CCDC188: variants seen among roughly 807,000 people sequenced by gnomAD.
CCDC188 encodes the protein coiled-coil domain containing 188.
A neutral mutation model predicts 50.7 loss-of-function variants in CCDC188; 37 were observed. The ratio of observed to expected loss-of-function variants is 0.73; its 90% CI spans 0.56 to 0.96. The LOEUF is 0.96. Among genes scored for constraint, CCDC188 ranks in the 40% least tolerant of loss-of-function variants. The pLI is 0.00. For synonymous variants in CCDC188, 208 were observed against 228.0 expected, an observed-to-expected ratio of 0.91 and a Z score of 0.79; for missense variants, 453 against 512.9, an observed-to-expected ratio of 0.88 and a Z score of 1.13.
chr22:20,149,086 C>G (rs891406250), intron 7 of CCDC188, 101 bp downstream of exon 7: 78 of 1,276,132 alleles, frequency 6.1e-5, no homozygotes, highest in Non-Finnish European at 8.0e-5. Flanking sequence ...TGCCCCCTGC[C>G]CTGGACCTGC....
intron 3 of CCDC188, 65 bp from the exon 4 acceptor site, chr22:20,149,845 G>A (rs940175035): frequency 2.8e-5 from 42 of 1,482,218 alleles, no homozygotes; most frequent in Non-Finnish European, 3.5e-5. Context: ...TCCCCGCTGG[G>A]CCCACTGGCC....
chr22:20,150,645 C>G lies in CCDC188; in HGVS notation c.342G>C (p.Gly114=). The change falls in exon 1 of 9, where the codon GGG becomes GGC. Residue 114 remains glycine, a synonymous_variant. Coordinates refer to ENST00000439765, the MANE Select transcript of CCDC188 (RefSeq NM_001365892.2). ...GWPLHPGSNQ[G]APRQGGSIGS... Reference sequence around the variant, plus strand: ...CAATGGATCCCCCCTGCCTGGGAGCCCCCTGGTTCGACCCTGGGTGCAGGG... The same window carrying G: ...CAATGGATCCCCCCTGCCTGGGAGCGCCCTGGTTCGACCCTGGGTGCAGGG... The G allele has an allele frequency of 6.5e-7, 1 of 1,545,114 alleles. No homozygotes were observed. Among genetic ancestry groups the G allele is most frequent in the Non-Finnish European group, 8.7e-7 (1 of 1,143,148 alleles).
rs2050605313 is a variant in CCDC188 at position 20,150,449 on chromosome 22, C to CT, written c.519+18_519+19insA. On this transcript the variant is annotated intron_variant, in intron 1 of 8. Transcript: ENST00000439765. Reference sequence around the variant, plus strand: ...GGTGGGGCTGGGGCTGGGGCTGGGGCGGTGGGTGGGGTGCTCACCAGGCTG... The same window carrying CT: ...GGTGGGGCTGGGGCTGGGGCTGGGGCTGGTGGGTGGGGTGCTCACCAGGCTG... The CT allele has an allele frequency of 1.3e-5, 12 of 897,822 alleles. No individual in the cohort carries two copies. The highest frequency in any genetic ancestry group is 5.3e-5 in the Admixed American group (1 of 18,712). 55.6% of individuals were successfully genotyped at this position (897,822 alleles called of 1,614,324 possible).
chr22:20,149,671 C>T (rs1352511444), intron 4 of CCDC188, 31 bp from the exon 5 acceptor site: 6 of 1,546,778 alleles, frequency 3.9e-6, no homozygotes, highest in South Asian at 1.2e-5. Flanking sequence ...GCCTGAGGAG[C>T]AGGACCCACT....
In CCDC188 at chr22:20,148,863, GC is replaced by G. The variant is rs2050564815; in HGVS notation, c.1022+11del. On this transcript the variant is annotated intron_variant, in intron 8 of 8. Coordinates refer to ENST00000439765, the MANE Select transcript of CCDC188 (RefSeq NM_001365892.2). ...GGGCCTGGGGGCTGGGCTCTGCCGT[GC>G]AGTCACCTACCAGAGCTGGCCTGCC... 2 of 1,496,412 alleles carry G rather than the reference GC, an allele frequency of 1.3e-6. No homozygotes were observed. The highest frequency in any genetic ancestry group is 1.8e-6 in the Non-Finnish European group (2 of 1,120,412). The allele number at this position is 1,496,412 out of a possible 1,614,324, so 92.7% of individuals were successfully genotyped here. A position where few individuals can be genotyped will look rare whatever the true frequency, so the allele number is the denominator to read the frequency against.
chr22:20,150,623 T>A lies in CCDC188; in HGVS notation c.364A>T (p.Ile122Phe), dbSNP rs2050609488. 6.5e-7 allele frequency: 1 copy of A among 1,543,174 alleles called. No individual in the cohort carries two copies. Among genetic ancestry groups the A allele is most frequent in the South Asian group, 1.2e-5 (1 of 83,834 alleles). The change falls in exon 1 of 9, where the codon ATT (isoleucine) becomes TTT (phenylalanine). Residue 122 changes from isoleucine (I) to phenylalanine (F), a missense_variant. Physicochemically the swap from Ile to Phe is conservative, Grantham distance 21 (BLOSUM62 0). Transcript: ENST00000439765. ...GGGCAGGGTCTGGTCCCTGAGCCAATGGATCCCCCCTGCCTGGGAGCCCCC... is the reference window on the plus strand; with the variant it reads ...GGGCAGGGTCTGGTCCCTGAGCCAAAGGATCCCCCCTGCCTGGGAGCCCCC... Reference protein sequence around the residue: ...NQGAPRQGGSIGSGTRPCPCP... With the variant: ...NQGAPRQGGSFGSGTRPCPCP...
Position 20,148,890 on chromosome 22 carries a change from A to C in CCDC188, c.1007T>G (p.Leu336Arg), listed in dbSNP as rs111664914. The change falls in exon 8 of 9, where the codon CTG (leucine) becomes CGG (arginine). Residue 336 changes from leucine to arginine, a missense_variant. By Grantham distance (102) the Leu-to-Arg change is moderately radical (BLOSUM62 -2). Transcript: ENST00000439765. ...GRPKLGSSKGLAGQLWLLTLR... is the reference protein window; with the variant it reads ...GRPKLGSSKGRAGQLWLLTLR... ...AGTCACCTACCAGAGCTGGCCTGCC[A>C]GGCCCTTGGAGCTTCCCAGCTTTGG... 3.4e-5 allele frequency: 51 copies of C among 1,513,920 alleles called. No individual in the cohort carries two copies. The highest frequency in any genetic ancestry group is 4.2e-4 in the Middle Eastern group (2 of 4,734). 93.8% of individuals were successfully genotyped at this position (1,513,920 alleles called of 1,614,324 possible).
At chr22:20,150,418 G>T in intron 1 of CCDC188, 50 bp downstream of exon 1, 1 of 1,465,252 alleles carries the variant, frequency 6.8e-7, no homozygotes, top group South Asian at 1.3e-5. Context: ...GGGGTACCAG[G>T]CGGTGGGTGG....
intron 7 of CCDC188, 90 bp downstream of exon 7, chr22:20,149,097 C>T (rs1410041467): frequency 6.2e-6 from 8 of 1,292,472 alleles, no homozygotes; most frequent in African/African-American, 1.5e-5. Context: ...CTGGACCTGC[C>T]CTCCTGGAGC....
In CCDC188 at chr22:20,149,768, G is replaced by A. The variant is rs1408348705; in HGVS notation, c.745C>T (p.Gln249Ter). The A allele has an allele frequency of 6.6e-7, 1 of 1,516,380 alleles. No individual in the cohort carries two copies. The highest frequency in any genetic ancestry group is 2.5e-5 in the East Asian group (1 of 40,576). The allele number at this position is 1,516,380 out of a possible 1,614,324, so 93.9% of individuals were successfully genotyped here. ...TTCCTCTCAAAGCACAGGCGGATCT[G>A]CTGCAGCTCGTTCTGAGGGTGGGGC... The part of the protein sequence containing the change: ...FVQQSQNELQ[Q>*]IRLCFERKKM... Residue 249 changes from glutamine to a stop codon, truncating the protein, a stop_gained, in exon 4 of 9, where the codon CAG becomes TAG. Coordinates refer to ENST00000439765, the MANE Select transcript of CCDC188 (RefSeq NM_001365892.2). LOFTEE classifies it high-confidence loss of function.
rs536693703 is a variant in CCDC188, at chr22:20,148,929, C to G, written c.973-5G>C. ...TCCCAGCTTTGGCCTCCCTTTCTGT[C>G]GGGGAGGGGCTGGATCAGAGCCCAC... On this transcript the variant is annotated splice_region_variant and splice_polypyrimidine_tract_variant and intron_variant, in intron 7 of 8. Transcript: ENST00000439765. 12 of 1,500,844 alleles carry G rather than the reference C, an allele frequency of 8.0e-6. No homozygotes were observed. In the African/African-American group the frequency reaches 1.7e-4, roughly 21 times the overall value. 93.0% of individuals were successfully genotyped at this position (1,500,844 alleles called of 1,614,324 possible). A position where few individuals can be genotyped will look rare whatever the true frequency, so the allele number is the denominator to read the frequency against.
chr22:20,149,677 C>T (rs1231913834), intron 4 of CCDC188, 37 bp from the exon 5 acceptor site: 8 of 1,545,524 alleles, frequency 5.2e-6, no homozygotes, highest in Non-Finnish European at 7.0e-6. Flanking sequence ...GGAGCAGGAC[C>T]CACTGGGTGG....
rs1416736139 is a variant in CCDC188, at chr22:20,150,165, G to A, written c.605C>T (p.Ser202Leu). ...TACCCAGGCCAGAGCAGTGCAGCTT[G>A]AGTGTTCGGGACACAGGGGCAGGAA... ...QQFLPLCPEH[S>L]SCTALAWPPD... is the part of the protein sequence containing the mutation. Residue 202 changes from serine to leucine, a missense_variant, in exon 2 of 9, where the codon TCA becomes TTA. Physicochemically the swap from Ser to Leu is moderately radical, Grantham distance 145 (BLOSUM62 -2). Transcript: ENST00000439765. 4.5e-6 allele frequency: 7 copies of A among 1,548,194 alleles called. No individual in the cohort carries two copies. The highest frequency in any genetic ancestry group is 6.1e-6 in the Non-Finnish European group (7 of 1,145,606).
At chr22:20,150,403 G>A (rs997103652) in intron 1 of CCDC188, 65 bp downstream of exon 1, 162 of 1,390,388 alleles carry the variant, frequency 1.2e-4, no homozygotes, top group Non-Finnish European at 1.4e-4. Flanking sequence ...GCTGGGGCTG[G>A]GGCAGGGGTA....
chr22:20,150,868 C>T lies in CCDC188; in HGVS notation c.119G>A (p.Trp40Ter), dbSNP rs1262283530. The T allele has an allele frequency of 6.6e-6, 10 of 1,509,102 alleles. No homozygotes were observed. The allele number at this position is 1,509,102 out of a possible 1,614,324, so 93.5% of individuals were successfully genotyped here. ...LDQPCQGFVG[W>*]PCLGPISSAH... Reference sequence around the variant, plus strand: ...AGAGGAGATGGGGCCCAGGCAGGGCCACCCTACAAATCCCTGGCAGGGCTG... The same window carrying T: ...AGAGGAGATGGGGCCCAGGCAGGGCTACCCTACAAATCCCTGGCAGGGCTG... Residue 40 changes from tryptophan to a stop codon, truncating the protein, a stop_gained, in exon 1 of 9, where the codon TGG becomes TAG. Coordinates refer to ENST00000439765, the MANE Select transcript of CCDC188 (RefSeq NM_001365892.2). LOFTEE classifies it high-confidence loss of function.
chr22:20,149,518 G>A (rs559120457), intron 5 of CCDC188, 42 bp from the exon 6 acceptor site: 55 of 1,549,856 alleles, frequency 3.5e-5, no homozygotes, highest in African/African-American at 1.4e-4. Context: ...CCCTCGCCCC[G>A]CCCTCCGTGG....
At position 20,149,586 on chromosome 22, in the gene CCDC188, G is replaced by T; in HGVS notation, c.844C>A (p.Leu282Ile). 6.5e-7 allele frequency: 1 copy of T among 1,550,194 alleles called. No individual in the cohort carries two copies. Among genetic ancestry groups the T allele is most frequent in the African/African-American group, 1.4e-5 (1 of 73,170 alleles). Residue 282 changes from leucine (L) to isoleucine (I), a missense_variant, in exon 5 of 9, where the codon CTC becomes ATC. Leu to Ile is a conservative substitution (Grantham distance 5, BLOSUM62 2). Transcript: ENST00000439765. ...HMALNNQATG[L>I]LNLKKDIRGV... ...GCTGCCCTGTGGGGACCTACCAGGAGCCCGGTGGCCTGGTTGTTCAGGGCC... is the reference window on the plus strand; with the variant it reads ...GCTGCCCTGTGGGGACCTACCAGGATCCCGGTGGCCTGGTTGTTCAGGGCC...
intron 6 of CCDC188, 27 bp downstream of exon 6, chr22:20,149,385 C>T: frequency 6.5e-7 from 1 of 1,550,180 alleles, no homozygotes; most frequent in Non-Finnish European, 8.7e-7. Context: ...CCCTGCTCAG[C>T]TGGCCCGGCC....
chr22:20,148,840 G>T (rs1325635987), intron 8 of CCDC188, 35 bp downstream of exon 8: 4 of 1,462,028 alleles, frequency 2.7e-6, no homozygotes, highest in Admixed American at 2.6e-5. Flanking sequence ...CGCGCGGGGG[G>T]CCTGGGGGCT....
Sources: gnomAD v4.1 joint callset for allele counts on GRCh38, gnomAD v4.1.1 for gene constraint, MANE v1.5 for transcripts, NCBI Gene and HGNC (gene_info 2026-07-23, HGNC 2026-07-21) for gene names.